The following DPP6 variants were observed in gnomAD, a reference collection of about 807,000 sequenced individuals.
The protein encoded by DPP6 is dipeptidyl peptidase like 6.
In DPP6, 69 loss-of-function variants were observed where a neutral mutation model predicts 122.6. The ratio of observed to expected loss-of-function variants is 0.56; its 90% confidence interval spans 0.46 to 0.69. The LOEUF (loss-of-function observed/expected upper bound fraction) is 0.69. DPP6 is among the 30% of genes least tolerant of loss of function. DPP6 has a pLI of 0.00. For missense variants in DPP6, 928 were observed against 1,116.9 expected, an observed-to-expected ratio of 0.83 and a Z score of 2.41; for synonymous variants, 418 against 433.1, an observed-to-expected ratio of 0.97 and a Z score of 0.43.
At chr7:153,849,932 T>C in the DPP6 span, among the ~76,000 whole-genome samples, 8 of 152,222 alleles carry the variant, frequency 5.3e-5, no homozygotes, top group African/African-American at 1.9e-4. Context: ...CAAGAATCCC[T>C]CTATTATTTA....
intron 17 of DPP6, among the ~76,000 whole-genome samples, chr7:154,862,096 T>C (rs981576123): frequency 6.6e-6 from 1 of 152,344 alleles, no homozygotes; most frequent in African/African-American, 2.4e-5. Flanking sequence ...TACCCATTAC[T>C]GGGGGAGTTC....
chr7:153,926,434 G>T (rs965861034), intron 1 of DPP6, among the ~76,000 whole-genome samples: 1 of 152,200 alleles, frequency 6.6e-6, no homozygotes, highest in Admixed American at 6.5e-5. Flanking sequence ...GAAAGAGGAT[G>T]TCAGCCCTCA....
chr7:154,067,542 A>G (rs1321835199), intron 1 of DPP6, among the ~76,000 whole-genome samples: 1 of 152,180 alleles, frequency 6.6e-6, no homozygotes, highest in East Asian at 1.9e-4. Flanking sequence ...GGGCAAAGCC[A>G]TTCAGAATGA....
chr7:154,194,332 T>C (rs753771072), intron 1 of DPP6, among the ~76,000 whole-genome samples: 2 of 152,170 alleles, frequency 1.3e-5, no homozygotes, highest in African/African-American at 4.8e-5. Context: ...TCAAGATGAA[T>C]TGGTAATGAA....
chr7:154,438,144 C>A lies in DPP6; in HGVS notation c.244-8070C>A, dbSNP rs117865114. On this transcript the variant is annotated intron_variant, in intron 1 of 25. Coordinates refer to ENST00000377770, the MANE Select transcript of DPP6 (RefSeq NM_130797.4). ...TGTTTTTGAGTTTCAGAAACCCACT[C>A]AAATTAGTTTAAGTAAAATGGAAAA... Among the ~76,000 whole-genome samples the A allele has an allele frequency of 4.3e-3, 651 of 151,942 alleles. 14 individuals are homozygous for A. The East Asian group carries it at 0.073, about 17-fold the overall frequency.
intron 1 of DPP6, among the ~76,000 whole-genome samples, chr7:154,022,884 G>A (rs189454773): frequency 8.5e-4 from 129 of 152,314 alleles, no homozygotes; most frequent in Non-Finnish European, 6.3e-4. Flanking sequence ...ACATCAAAGA[G>A]CGGGGAGAAC....
intron 1 of DPP6, among the ~76,000 whole-genome samples, chr7:154,175,559 A>G (rs1797756039): frequency 6.6e-6 from 1 of 151,386 alleles, no homozygotes; most frequent in Non-Finnish European, 1.5e-5. Context: ...AAATACAGCC[A>G]CTCTATGCTG....
intron 5 of DPP6, among the ~76,000 whole-genome samples, chr7:154,623,052 G>A (rs1159822501): frequency 1.3e-5 from 2 of 152,318 alleles, no homozygotes; most frequent in East Asian, 3.9e-4. Flanking sequence ...CGTCTGGATT[G>A]TCTCCTAGTC....
intron 2 of DPP6, among the ~76,000 whole-genome samples, chr7:154,469,787 G>C (rs1822103748): frequency 6.6e-6 from 1 of 152,200 alleles, no homozygotes; most frequent in Non-Finnish European, 1.5e-5. Context: ...TCAAGCATCT[G>C]CAGTGCCTGA....
At chr7:154,883,396 ACACAC>A (rs1351949914) in intron 21 of DPP6, among the ~76,000 whole-genome samples, 1 of 136,056 alleles carries the variant, frequency 7.3e-6, no homozygotes, top group African/African-American at 2.6e-5. Flanking sequence ...GCTCACACAC[ACACAC>A]ATGCTCACCC....
At chr7:153,894,207 G>A (rs1000499746) in intron 1 of DPP6, among the ~76,000 whole-genome samples, 1 of 152,174 alleles carries the variant, frequency 6.6e-6, no homozygotes, top group Non-Finnish European at 1.5e-5. Flanking sequence ...GACCCAATTT[G>A]TATAATCAGC....
intron 1 of DPP6, among the ~76,000 whole-genome samples, chr7:154,168,301 G>A (rs959769944): frequency 1.3e-5 from 2 of 152,178 alleles, no homozygotes; most frequent in African/African-American, 2.4e-5. Flanking sequence ...TAAATGAGCT[G>A]TTTCATCCAA....
chr7:154,066,642 A>G (rs1802751687), intron 1 of DPP6, among the ~76,000 whole-genome samples: 1 of 151,550 alleles, frequency 6.6e-6, no homozygotes, highest in African/African-American at 2.4e-5. Flanking sequence ...GTAGGAGCGA[A>G]GAAAGTGAGA....
intron 1 of DPP6, among the ~76,000 whole-genome samples, chr7:154,150,301 C>A (rs1796345494): frequency 6.6e-6 from 1 of 152,080 alleles, no homozygotes; most frequent in Non-Finnish European, 1.5e-5. Context: ...ACTTGGGCAC[C>A]CACCTTGACT....
intron 1 of DPP6, among the ~76,000 whole-genome samples, chr7:153,904,579 T>A (rs1799770997): frequency 6.6e-6 from 1 of 152,314 alleles, no homozygotes; most frequent in South Asian, 2.1e-4. Context: ...CTTGAATGAT[T>A]GAAGGAGTAA....
At position 154,423,808 on chromosome 7, in the gene DPP6, A is replaced by C. The variant is rs540928328; in HGVS notation, c.244-22406A>C. Among the ~76,000 whole-genome samples the C allele has an allele frequency of 5.9e-5, 9 of 152,238 alleles. No homozygotes were observed. In the South Asian group the frequency reaches 1.9e-3, roughly 32 times the overall value. ...CTTTTCTAAATGAGTTGAGTTTTGCAGCACAGCTGAAAATTTTGATTTCAT... is the reference window on the plus strand; with the variant it reads ...CTTTTCTAAATGAGTTGAGTTTTGCCGCACAGCTGAAAATTTTGATTTCAT... On this transcript the variant is annotated intron_variant, in intron 1 of 25. Coordinates refer to ENST00000377770, the MANE Select transcript of DPP6 (RefSeq NM_130797.4).
At chr7:154,119,442 G>A (rs531110033) in intron 1 of DPP6, among the ~76,000 whole-genome samples, 9 of 152,056 alleles carry the variant, frequency 5.9e-5, no homozygotes, top group South Asian at 2.1e-4. Context: ...AAATCTTGAC[G>A]TGAAAAGCTT....
At chr7:154,679,735 T>C (rs538851181) in intron 7 of DPP6, among the ~76,000 whole-genome samples, 1 of 152,218 alleles carries the variant, frequency 6.6e-6, no homozygotes, top group East Asian at 1.9e-4. Flanking sequence ...TCAGCTTGGG[T>C]TAATTTGGTA....
chr7:154,470,534 G>A (rs1586371047), intron 2 of DPP6, among the ~76,000 whole-genome samples: 1 of 152,168 alleles, frequency 6.6e-6, no homozygotes, highest in East Asian at 1.9e-4. Context: ...TAGTTTTCTG[G>A]TATTTAAAAT....
Sources: gnomAD v4.1 joint callset for allele counts (sites outside exome capture counted in the v4.1 genomes callset) on GRCh38, gnomAD v4.1.1 for gene constraint, MANE v1.5 for transcripts, NCBI Gene and HGNC (gene_info 2026-07-23, HGNC 2026-07-21) for gene names.